Variants in RNF115 observed in about 807,000 individuals in gnomAD.
The protein encoded by RNF115 is E3 ubiquitin-protein ligase RNF115.
In RNF115, 31 loss-of-function variants were observed where a neutral mutation model predicts 39.2. That is an observed-to-expected ratio of 0.79 (90% CI 0.59 to 1.07). The LOEUF (loss-of-function observed/expected upper bound fraction) is 1.07. RNF115 is among the 50% of genes least tolerant of loss of function. The probability of loss-of-function intolerance (pLI) is 0.00; values close to 1 mark genes in which losing one functional copy is unlikely to be tolerated. For synonymous variants in RNF115, 124 were observed against 131.0 expected (o/e 0.95, Z 0.37); for missense variants, 384 against 381.7 (o/e 1.01, Z -0.05).
chr1:145,764,904 ACC>A (rs1234005321), intron 4 of RNF115, among the ~76,000 whole-genome samples: 1 of 151,742 alleles, frequency 6.6e-6, no homozygotes, highest in Non-Finnish European at 1.5e-5. Flanking sequence ...CCCGGCCACC[ACC>A]CCGTCTAGGA....
intron 7 of RNF115, 23 bp downstream of exon 7, chr1:145,750,384 A>T (rs1658032594): frequency 2.6e-6 from 4 of 1,547,966 alleles, no homozygotes; most frequent in Non-Finnish European, 3.6e-6. Flanking sequence ...AAGATGACAG[A>T]ATAAGTATAA....
chr1:145,783,943 G>GT (rs1553717788), intron 3 of RNF115, among the ~76,000 whole-genome samples: 1 of 152,006 alleles, frequency 6.6e-6, no homozygotes, highest in Non-Finnish European at 1.5e-5. Flanking sequence ...CTAATGCCCT[G>GT]TTTTCAAATC....
Position 145,752,948 on chromosome 1 carries a change from G to C in RNF115, c.500+30C>G, listed in dbSNP as rs782785747. On this transcript the variant is annotated intron_variant, in intron 5 of 8. Transcript: ENST00000582693. ...GCACCTAAAATATGTCACTCCAATA[G>C]AGTAAGATAGAAAACAATTAGTTAC... The C allele has an allele frequency of 2.1e-6, 3 of 1,454,466 alleles. No individual in the cohort carries two copies. The South Asian group carries it at 3.4e-5, about 17-fold the overall frequency. The allele number at this position is 1,454,466 out of a possible 1,614,324, so 90.1% of individuals were successfully genotyped here.
At chr1:145,815,153 TTA>T (rs781919726) in intron 1 of RNF115, among the ~76,000 whole-genome samples, 1 of 152,308 alleles carries the variant, frequency 6.6e-6, no homozygotes, top group Non-Finnish European at 1.5e-5. Flanking sequence ...TGTATTAGAG[TTA>T]TTGCAAGTAC....
intron 4 of RNF115, among the ~76,000 whole-genome samples, chr1:145,757,579 T>A (rs1553713362): frequency 6.6e-6 from 1 of 152,162 alleles, no homozygotes; most frequent in Non-Finnish European, 1.5e-5. Flanking sequence ...ATGAACTACT[T>A]TTAATGGAAA....
intron 3 of RNF115, among the ~76,000 whole-genome samples, chr1:145,775,813 T>G (rs1390369777): frequency 6.6e-6 from 1 of 151,822 alleles, no homozygotes; most frequent in African/African-American, 2.4e-5. Flanking sequence ...CTGGCCAACA[T>G]GGTGAAACCT....
chr1:145,805,017 A>G (rs1015607141), intron 1 of RNF115, among the ~76,000 whole-genome samples: 8 of 152,304 alleles, frequency 5.3e-5, no homozygotes, highest in Non-Finnish European at 1.2e-4. Flanking sequence ...AAGGATTGCC[A>G]GCTTTTTTAT....
At chr1:145,799,153 T>C (rs1649114165) in intron 1 of RNF115, among the ~76,000 whole-genome samples, 1 of 151,798 alleles carries the variant, frequency 6.6e-6, no homozygotes. Context: ...CTGCAACCTC[T>C]GCCTCCTGGG....
At position 145,741,812 on chromosome 1, in the gene RNF115, T is replaced by TAA. The variant is rs1559098672; in HGVS notation, c.*5052_*5053dup. 1 of 152,138 alleles carries TAA rather than the reference T, an allele frequency of 6.6e-6. No individual in the cohort carries two copies. The highest frequency in any genetic ancestry group is 1.5e-5 in the Non-Finnish European group (1 of 68,064). The allele number at this position is 152,138 out of a possible 1,614,324, so 9.4% of individuals were successfully genotyped here. ...CAGATACCAGCCCTGCTCCTTCTCT[T>TAA]AAAATCTGTCTTCTCACCTGGGCGT... On this transcript the variant is annotated 3_prime_UTR_variant, in exon 9 of 9. Coordinates refer to ENST00000582693, the MANE Select transcript of RNF115 (RefSeq NM_014455.4).
chr1:145,781,801 A>G (rs1430240703), intron 3 of RNF115, among the ~76,000 whole-genome samples: 1 of 151,828 alleles, frequency 6.6e-6, no homozygotes, highest in African/African-American at 2.4e-5. Context: ...TCACTGTTAT[A>G]TGACCTCTCC....
chr1:145,814,295 CA>C (rs1649879402), intron 1 of RNF115, among the ~76,000 whole-genome samples: 1 of 151,790 alleles, frequency 6.6e-6, no homozygotes, highest in Admixed American at 6.6e-5. Flanking sequence ...CAGACTTTGC[CA>C]AATGTTCCCT....
At chr1:145,754,091 T>C (rs1658202317) in intron 4 of RNF115, among the ~76,000 whole-genome samples, 1 of 152,218 alleles carries the variant, frequency 6.6e-6, no homozygotes, top group African/African-American at 2.4e-5. Context: ...AACATTAGAC[T>C]TTCCCTGCTA....
At position 145,748,201 on chromosome 1, in the gene RNF115, TAAAG is replaced by T; in HGVS notation, c.668-95_668-92del. 3.6e-6 allele frequency: 3 copies of T among 825,850 alleles called. No individual in the cohort carries two copies. In the Admixed American group the frequency reaches 5.9e-5, roughly 16 times the overall value. The allele number at this position is 825,850 out of a possible 1,614,324, so 51.2% of individuals were successfully genotyped here. Reference sequence around the variant, plus strand: ...TGTCTCTACCAACCCTACGAATGCATAAAGAAAAGACACAAGAGACAAAAGAAAA... The same window carrying T: ...TGTCTCTACCAACCCTACGAATGCATAAAAGACACAAGAGACAAAAGAAAA... On this transcript the variant is annotated intron_variant, in intron 7 of 8. Transcript: ENST00000582693.
At chr1:145,764,406 G>A (rs587721889) in intron 4 of RNF115, among the ~76,000 whole-genome samples, 5 of 138,038 alleles carry the variant, frequency 3.6e-5, no homozygotes, top group South Asian at 2.4e-4. Flanking sequence ...CGTCTCTGCC[G>A]GCCGCCCATC....
chr1:145,767,555 A>G (rs1244586763), intron 4 of RNF115, among the ~76,000 whole-genome samples: 1 of 152,304 alleles, frequency 6.6e-6, no homozygotes, highest in Admixed American at 6.5e-5. Context: ...GACGCTCCTC[A>G]CTTCCCAGAA....
chr1:145,818,097 T>C (rs1201263437), intron 1 of RNF115, among the ~76,000 whole-genome samples: 1 of 151,714 alleles, frequency 6.6e-6, no homozygotes, highest in Non-Finnish European at 1.5e-5. Flanking sequence ...AAACGATTTA[T>C]ATTCCTCTGG....
intron 4 of RNF115, among the ~76,000 whole-genome samples, chr1:145,765,032 T>G (rs1050893081): frequency 6.6e-5 from 10 of 152,234 alleles, no homozygotes; most frequent in Admixed American, 2.6e-4. Context: ...TGTGTCTGTG[T>G]AGAAAGAAGT....
intron 4 of RNF115, among the ~76,000 whole-genome samples, chr1:145,753,855 T>C (rs369469585): frequency 6.6e-6 from 1 of 152,170 alleles, no homozygotes; most frequent in Admixed American, 6.5e-5. Context: ...TAGCTGGGAT[T>C]ATAGGCACCT....
At chr1:145,784,935 T>C (rs1179863424) in intron 2 of RNF115, among the ~76,000 whole-genome samples, 2 of 152,122 alleles carry the variant, frequency 1.3e-5, no homozygotes, top group Non-Finnish European at 2.9e-5. Flanking sequence ...CAAAACAAAA[T>C]GTTTCACTAA....
Sources: allele counts gnomAD v4.1 joint callset (sites outside exome capture counted in the v4.1 genomes callset), GRCh38; gene constraint gnomAD v4.1.1; transcripts MANE v1.5; gene names NCBI Gene and HGNC (gene_info 2026-07-23, HGNC 2026-07-21).